The following RUNX1T1 variants were observed in gnomAD, a reference collection of about 807,000 sequenced individuals.
RUNX1T1 encodes RUNX1 partner transcriptional co-repressor 1, also known as protein CBFA2T1.
A neutral mutation model predicts 62.8 loss-of-function variants in RUNX1T1; 4 were observed. That is an observed-to-expected ratio of 0.06 (90% CI 0.03 to 0.15). The LOEUF is 0.15. Ranked by LOEUF, RUNX1T1 falls within the 10% of genes least tolerant of loss-of-function variation. The pLI, the probability that RUNX1T1 is intolerant of heterozygous loss-of-function variation, is 1.00. For missense variants in RUNX1T1, 508 were observed against 754.3 expected, an observed-to-expected ratio of 0.67 and a Z score of 3.82; for synonymous variants, 291 against 286.0, an observed-to-expected ratio of 1.02 and a Z score of -0.18.
intron 10 of RUNX1T1, among the ~76,000 whole-genome samples, chr8:91,963,172 C>A (rs1198287946): frequency 1.3e-5 from 2 of 152,184 alleles, no homozygotes; most frequent in East Asian, 3.8e-4. Context: ...ATTGAGCCTT[C>A]TTGCATAGTA....
intron 1 of RUNX1T1, among the ~76,000 whole-genome samples, chr8:92,049,492 A>G (rs1829917674): frequency 6.6e-6 from 1 of 152,176 alleles, no homozygotes; most frequent in Non-Finnish European, 1.5e-5. Context: ...AGCTCTCTAC[A>G]GTTCTGCAGG....
chr8:91,993,577 G>A (rs77221437), intron 5 of RUNX1T1, among the ~76,000 whole-genome samples: 3,527 of 152,210 alleles, frequency 0.023, 131 homozygotes, highest in African/African-American at 0.08. Flanking sequence ...AACAACATTT[G>A]TAAAAACAAA....
rs1165465304 is a variant in RUNX1T1 at position 92,009,773 on chromosome 8, A to G, written c.477+1229T>C. The G allele has an allele frequency of 2.0e-5, 3 of 152,200 alleles. No homozygotes were observed. In the East Asian group the frequency reaches 5.8e-4, roughly 29 times the overall value. 9.4% of individuals were successfully genotyped at this position (152,200 alleles called of 1,614,324 possible). ...ATTTGCTTTTAAATAAGAATATAGT[A>G]TTATAGTATAAGCCATTTTGGGAGA... On this transcript the variant is annotated intron_variant, in intron 4 of 10. Transcript: ENST00000396218.
At chr8:92,043,425 T>C (rs926680204) in intron 1 of RUNX1T1, among the ~76,000 whole-genome samples, 6 of 151,938 alleles carry the variant, frequency 3.9e-5, no homozygotes, top group African/African-American at 1.2e-4. Flanking sequence ...AACTAACTAG[T>C]TCTAGCAAAC....
intron 4 of RUNX1T1, chr8:92,006,903 T>C (rs559780309): frequency 2.6e-5 from 4 of 152,228 alleles, no homozygotes; most frequent in Admixed American, 2.6e-4. Context: ...CACCAAAGCA[T>C]ATTTCTACAC....
At chr8:92,071,510 T>C (rs995919554) in intron 2 of RUNX1T1, 2 of 149,102 alleles carry the variant, frequency 1.3e-5, no homozygotes, top group Non-Finnish European at 1.5e-5. Flanking sequence ...TTTTTTTTTT[T>C]AATCAAGCAT....
exon 11 of RUNX1T1, chr8:91,960,334 C>T (rs760717058): frequency 8.1e-6 from 13 of 1,613,050 alleles, no homozygotes; most frequent in Admixed American, 3.3e-5. Context: ...CTCCCAGCCC[C>T]GCTGTTGGGC....
At chr8:92,022,897 T>C (rs988393159) in intron 1 of RUNX1T1, among the ~76,000 whole-genome samples, 27 of 152,254 alleles carry the variant, frequency 1.8e-4, no homozygotes, top group Non-Finnish European at 3.8e-4. Flanking sequence ...TAGTCCATGT[T>C]GCAGACACTG....
At chr8:91,977,272 T>C (rs987620078) in intron 8 of RUNX1T1, 2 of 194,110 alleles carry the variant, frequency 1.0e-5, no homozygotes, top group Admixed American at 1.2e-4. Flanking sequence ...AATTTTTTAA[T>C]CTAAAATTAT....
intron 1 of RUNX1T1, among the ~76,000 whole-genome samples, chr8:92,027,529 T>C (rs1825447351): frequency 6.6e-6 from 1 of 152,160 alleles, no homozygotes; most frequent in Non-Finnish European, 1.5e-5. Flanking sequence ...CATTTGATGA[T>C]GATGAGATAG....
intron 4 of RUNX1T1, among the ~76,000 whole-genome samples, chr8:92,007,100 A>G (rs554009707): frequency 6.6e-6 from 1 of 152,348 alleles, no homozygotes; most frequent in South Asian, 2.1e-4. Context: ...GAGAGAGCTT[A>G]GATACCTTGT....
At chr8:91,956,479 C>T (rs1172593271), downstream of RUNX1T1, 8 of 226,126 alleles carry the variant, frequency 3.5e-5, no homozygotes, top group South Asian at 1.8e-4. Flanking sequence ...ACACCGGGGA[C>T]GAGGGAGACA....
chr8:92,014,044 A>C (rs144310098), intron 3 of RUNX1T1, among the ~76,000 whole-genome samples: 359 of 152,310 alleles, frequency 2.4e-3, no homozygotes, highest in African/African-American at 7.6e-3. Flanking sequence ...ATATTTTACC[A>C]CAATAAAAAA....
At chr8:92,053,990 A>C (rs907212754) in intron 1 of RUNX1T1, among the ~76,000 whole-genome samples, 1 of 152,174 alleles carries the variant, frequency 6.6e-6, no homozygotes, top group African/African-American at 2.4e-5. Context: ...AAGGTTATAC[A>C]GAATTCAGCT....
intron 1 of RUNX1T1, among the ~76,000 whole-genome samples, chr8:92,033,696 G>T (rs1247897219): frequency 6.6e-6 from 1 of 152,152 alleles, no homozygotes; most frequent in Non-Finnish European, 1.5e-5. Flanking sequence ...TTTTGGCTGG[G>T]TGCGGTGGCT....
At chr8:91,977,844 A>ACAC (rs1166616446) in intron 8 of RUNX1T1, among the ~76,000 whole-genome samples, 1 of 152,028 alleles carries the variant, frequency 6.6e-6, no homozygotes, top group Non-Finnish European at 1.5e-5. Context: ...GCTGGAGTGC[A>ACAC]GTGGCACGAT....
At chr8:91,962,926 C>A (rs1810826787) in intron 10 of RUNX1T1, among the ~76,000 whole-genome samples, 1 of 152,296 alleles carries the variant, frequency 6.6e-6, no homozygotes, top group South Asian at 2.1e-4. Flanking sequence ...GTCCAATACT[C>A]AATGGCTCCT....
chr8:91,976,038 G>A (rs369843219), intron 8 of RUNX1T1, 65 bp from the exon 10 acceptor site: 7 of 1,169,698 alleles, frequency 6.0e-6, no homozygotes, highest in South Asian at 2.5e-5. Flanking sequence ...TTGTGTCATC[G>A]CACAGAGTGA....
At chr8:92,060,539 A>ATGTGTG (rs1465445651) in intron 1 of RUNX1T1, among the ~76,000 whole-genome samples, 1 of 115,398 alleles carries the variant, frequency 8.7e-6, no homozygotes, top group African/African-American at 3.3e-5. Flanking sequence ...ATATATATAT[A>ATGTGTG]TATATATATA....
Sources: allele counts gnomAD v4.1 joint callset (sites outside exome capture counted in the v4.1 genomes callset), GRCh38; gene constraint gnomAD v4.1.1; transcripts MANE v1.5; gene names NCBI Gene and HGNC (gene_info 2026-07-23, HGNC 2026-07-21).